Variants in AIFM2 observed in about 807,000 individuals in gnomAD.
AIFM2 encodes the protein AIF family member 2, ferroptosis suppressor, also known as ferroptosis suppressor protein 1.
Under a neutral mutation model 35.7 loss-of-function variants are expected in AIFM2, and 38 were observed. The observed-to-expected ratio is 1.06, with a 90% confidence interval of 0.82 to 1.39. The LOEUF is 1.39. Ranked by LOEUF, AIFM2 falls within the 40% of genes most tolerant of loss-of-function variation. AIFM2 has a pLI of 0.00. For synonymous variants in AIFM2, 185 were observed against 203.5 expected (o/e 0.91, Z 0.77); for missense variants, 476 against 491.2 (o/e 0.97, Z 0.29).
intron 1 of AIFM2, among the ~76,000 whole-genome samples, chr10:70,125,485 A>G (rs1182338833): frequency 1.5e-5 from 2 of 134,460 alleles, no homozygotes; most frequent in African/African-American, 5.5e-5. Context: ...AGGCGTGGTG[A>G]TGGGCACCTA....
rs562744052 is a variant in AIFM2, at chr10:70,112,393, A to G, written c.*1785T>C. ...GAAGGCCTGTCGCTCACACACTGGG[A>G]TTCCCACCTCGCTGGACCCCAGGTC... is the stretch of plus-strand genomic sequence containing the variant. On this transcript the variant is annotated 3_prime_UTR_variant, in exon 9 of 9. Transcript: ENST00000307864. The G allele has an allele frequency of 6.6e-6, 1 of 152,322 alleles. No homozygotes were observed. Among genetic ancestry groups the G allele is most frequent in the South Asian group, 2.1e-4 (1 of 4,818 alleles). The allele number at this position is 152,322 out of a possible 1,614,324, so 9.4% of individuals were successfully genotyped here. A position where few individuals can be genotyped will look rare whatever the true frequency, so the allele number is the denominator to read the frequency against.
At position 70,117,665 on chromosome 10, in the gene AIFM2, G is replaced by A. The variant is rs193231992; in HGVS notation, c.616+147C>T. Reference sequence around the variant, plus strand: ...TTGATGTTCACGGCCTCTTCTGAGCGCTTCATGCTCCACCCCAGGACACAG... The same window carrying A: ...TTGATGTTCACGGCCTCTTCTGAGCACTTCATGCTCCACCCCAGGACACAG... On this transcript the variant is annotated intron_variant, in intron 6 of 8. Transcript: ENST00000307864. This position sits in a 1 kb window ranked among gnomAD's most constrained non-coding sequence, Gnocchi z 4.7. 290 of 582,244 alleles carry A rather than the reference G, an allele frequency of 5.0e-4. 1 individual carries two copies. Among genetic ancestry groups the A allele is most frequent in the African/African-American group, 5.0e-3 (255 of 51,348 alleles). The allele number at this position is 582,244 out of a possible 1,614,324, so 36.1% of individuals were successfully genotyped here. A position where few individuals can be genotyped will look rare whatever the true frequency, so the allele number is the denominator to read the frequency against.
intron 5 of AIFM2, 92 bp downstream of exon 5, chr10:70,120,415 C>A: frequency 1.5e-6 from 2 of 1,309,224 alleles, no homozygotes; most frequent in South Asian, 1.2e-5. Context: ...GAGCTCCAGA[C>A]TTCTCTGCCC....
intron 6 of AIFM2, 148 bp from the exon 7 acceptor site, chr10:70,116,922 C>CCT: frequency 1.1e-6 from 1 of 907,490 alleles, no homozygotes; most frequent in Admixed American, 2.3e-5. Context: ...CATGCCCCTC[C>CCT]CTCAGTCCAC....
chr10:70,123,768 G>T, intron 2 of AIFM2, 139 bp downstream of exon 2: 1 of 998,810 alleles, frequency 1.0e-6, no homozygotes, highest in Non-Finnish European at 1.4e-6. Flanking sequence ...AAGACCTTGA[G>T]CTTCTCCAGA....
chr10:70,115,155 G>A, intron 7 of AIFM2, 35 bp from the exon 8 acceptor site: 1 of 1,606,728 alleles, frequency 6.2e-7, no homozygotes, highest in East Asian at 2.2e-5. Flanking sequence ...CCAAGACACT[G>A]AGCTGCTGTG....
At position 70,121,086 on chromosome 10, in the gene AIFM2, G is replaced by A; in HGVS notation, c.414+6C>T. 6.2e-7 allele frequency: 1 copy of A among 1,610,006 alleles called. No homozygotes were observed. On this transcript the variant is annotated splice_donor_region_variant and intron_variant, in intron 4 of 8. Transcript: ENST00000307864. ...CACTGCCCCATGCCTTCAGTGCACA[G>A]CTCACCTGCCTCACCATGTCCTCAT...
chr10:70,129,343 A>G (rs2072602914), intron 1 of AIFM2, among the ~76,000 whole-genome samples: 1 of 152,028 alleles, frequency 6.6e-6, no homozygotes, highest in Admixed American at 6.6e-5. Flanking sequence ...CAATGAATAC[A>G]CAGCAGCCAC....
At chr10:70,123,370 T>C (rs764506987) in intron 3 of AIFM2, 35 bp downstream of exon 3, 1 of 1,592,712 alleles carries the variant, frequency 6.3e-7, no homozygotes, top group South Asian at 1.1e-5. Context: ...AGAGGGCCCT[T>C]GAGCCAGCTG....
In AIFM2 at chr10:70,120,583, A is replaced by G; in HGVS notation, c.431T>C (p.Phe144Ser). 1.9e-6 allele frequency: 3 copies of G among 1,614,128 alleles called. No individual in the cohort carries two copies. Among genetic ancestry groups the G allele is most frequent in the Non-Finnish European group, 8.5e-7 (1 of 1,180,026 alleles). ...CGAGCCTCCTCCCACCACCACGATG[A>G]ACCGTGAGCGCTGGACCTGGAGAAG... Reference protein sequence around the residue: ...DMVRQVQRSRFIVVVGGGSAG... With the variant: ...DMVRQVQRSRSIVVVGGGSAG... Residue 144 changes from phenylalanine to serine, a missense_variant, in exon 5 of 9, where the codon TTC (phenylalanine) becomes TCC (serine). Physicochemically the swap from Phe to Ser is radical, Grantham distance 155 (BLOSUM62 -2). Transcript: ENST00000307864.
At chr10:70,115,206 AC>A in intron 7 of AIFM2, 86 bp from the exon 8 acceptor site, 1 of 1,412,956 alleles carries the variant, frequency 7.1e-7, no homozygotes, top group Non-Finnish European at 9.7e-7. Context: ...AGCTCTAGAC[AC>A]TGGTCAATAG....
In AIFM2 at chr10:70,117,972, C is replaced by T; in HGVS notation, c.508-52G>A. 1 of 1,350,950 alleles carries T rather than the reference C, an allele frequency of 7.4e-7. No homozygotes were observed. 83.7% of individuals were successfully genotyped at this position (1,350,950 alleles called of 1,614,324 possible). On this transcript the variant is annotated intron_variant, in intron 5 of 8. Coordinates refer to ENST00000307864, the MANE Select transcript of AIFM2 (RefSeq NM_032797.6). The surrounding 1 kb of genome is among the most constrained non-coding windows in gnomAD (Gnocchi z 4.7). ...GAGAAGGAGCCCCCAAGTCTTCAAA[C>T]ACAATCATTGCACGAACGTCCACCT...
intron 4 of AIFM2, 134 bp from the exon 5 acceptor site, chr10:70,120,733 A>G: frequency 1.0e-6 from 1 of 976,500 alleles, no homozygotes; most frequent in Non-Finnish European, 1.6e-6. Context: ...TTTGAGTCCA[A>G]ACGTGCTTCC....
At chr10:70,122,294 G>A (rs534648171) in intron 3 of AIFM2, among the ~76,000 whole-genome samples, 55 of 152,208 alleles carry the variant, frequency 3.6e-4, no homozygotes, top group African/African-American at 1.3e-3. Context: ...GCTCTGAAAC[G>A]CATGGCTGGA....
intron 1 of AIFM2, among the ~76,000 whole-genome samples, chr10:70,129,196 C>G (rs2072601242): frequency 6.6e-6 from 1 of 151,150 alleles, no homozygotes; most frequent in Non-Finnish European, 1.5e-5. Context: ...ACTCCTAGCC[C>G]CTCAAGGGAT....
intron 6 of AIFM2, 122 bp from the exon 7 acceptor site, chr10:70,116,896 C>T (rs991022012): frequency 4.5e-5 from 54 of 1,201,286 alleles, no homozygotes; most frequent in Middle Eastern, 2.6e-4. Flanking sequence ...GCAATGGCTG[C>T]ACCCTGTCTT....
At chr10:70,128,319 A>G (rs2072590482) in intron 1 of AIFM2, among the ~76,000 whole-genome samples, 1 of 152,240 alleles carries the variant, frequency 6.6e-6, no homozygotes, top group Non-Finnish European at 1.5e-5. Context: ...CATACAATGC[A>G]GTACTGTGTA....
At position 70,114,946 on chromosome 10, in the gene AIFM2, T is replaced by A; in HGVS notation, c.944A>T (p.Gln315Leu). ...CGGCTTGTAGGCCTGGAGAGGCCGCTGCTTCACAGAGTTGACGATGTTGGC... is the reference window on the plus strand; with the variant it reads ...CGGCTTGTAGGCCTGGAGAGGCCGCAGCTTCACAGAGTTGACGATGTTGGC... ...AVANIVNSVKQRPLQAYKPGA... is the reference protein window; with the variant it reads ...AVANIVNSVKLRPLQAYKPGA... The change falls in exon 8 of 9, where the codon CAG (glutamine) becomes CTG (leucine). Residue 315 changes from glutamine to leucine, a missense_variant. Physicochemically the swap from Gln to Leu is moderately radical, Grantham distance 113. Coordinates refer to ENST00000307864, the MANE Select transcript of AIFM2 (RefSeq NM_032797.6). The A allele has an allele frequency of 6.2e-7, 1 of 1,614,172 alleles. No homozygotes were observed. The highest frequency in any genetic ancestry group is 1.3e-5 in the African/African-American group (1 of 75,076).
intron 7 of AIFM2, 92 bp downstream of exon 7, chr10:70,116,530 G>T: frequency 6.7e-7 from 1 of 1,495,548 alleles, no homozygotes; most frequent in Non-Finnish European, 9.2e-7. Context: ...AGGCAGCAAG[G>T]TGTGGACTCC....
Sources: gnomAD v4.1 joint callset for allele counts (sites outside exome capture counted in the v4.1 genomes callset) on GRCh38, gnomAD v4.1.1 for gene constraint, Gnocchi (gnomAD v3.1) non-coding constraint, MANE v1.5 for transcripts, NCBI Gene and HGNC (gene_info 2026-07-23, HGNC 2026-07-21) for gene names.